The following PTPRJ variants were observed in gnomAD, a reference collection of about 807,000 sequenced individuals.
The protein encoded by PTPRJ is receptor-type tyrosine-protein phosphatase eta.
In PTPRJ, 129 loss-of-function variants were observed where a neutral mutation model predicts 141.3. The ratio of observed to expected loss-of-function variants is 0.91; its 90% CI spans 0.79 to 1.06. The LOEUF (loss-of-function observed/expected upper bound fraction) is 1.06. Ranked by LOEUF, PTPRJ falls within the 50% of genes least tolerant of loss-of-function variation. The probability of loss-of-function intolerance (pLI) is 0.00; values close to 1 mark genes in which losing one functional copy is unlikely to be tolerated. For synonymous variants in PTPRJ, 610 were observed against 640.5 expected (o/e 0.95, Z 0.72); for missense variants, 1,601 against 1,679.7 (o/e 0.95, Z 0.82).
chr11:48,093,793 T>TAA (rs746278822), intron 1 of PTPRJ, among the ~76,000 whole-genome samples: 3 of 128,156 alleles, frequency 2.3e-5, no homozygotes, highest in Non-Finnish European at 3.4e-5. Context: ...TTTGCTGCCC[T>TAA]AAAAAAAAAA....
intron 1 of PTPRJ, among the ~76,000 whole-genome samples, chr11:48,043,444 A>G (rs1854316413): frequency 6.6e-6 from 1 of 152,142 alleles, no homozygotes; most frequent in African/African-American, 2.4e-5. Context: ...AGACCTAGGT[A>G]GAGCAAGACC....
chr11:48,132,293 T>G, intron 8 of PTPRJ: 1 of 983,434 alleles, frequency 1.0e-6, no homozygotes, highest in African/African-American at 1.7e-5. Context: ...CCCAGCTACT[T>G]GAGAGGCTGC....
chr11:48,053,626 G>A (rs1243268796), intron 1 of PTPRJ, among the ~76,000 whole-genome samples: 1 of 145,868 alleles, frequency 6.9e-6, no homozygotes, highest in Non-Finnish European at 1.5e-5. Flanking sequence ...GCCCAGGCTG[G>A]AGTGCAGTGG....
intron 1 of PTPRJ, among the ~76,000 whole-genome samples, chr11:48,091,681 A>G (rs1355194788): frequency 6.6e-6 from 1 of 152,210 alleles, no homozygotes; most frequent in African/African-American, 2.4e-5. Flanking sequence ...AAAAATTCGA[A>G]AAGTCACCTG....
At chr11:48,100,888 GAAA>G (rs71457246) in intron 1 of PTPRJ, among the ~76,000 whole-genome samples, 1 of 90,346 alleles carries the variant, frequency 1.1e-5, no homozygotes, top group Non-Finnish European at 2.4e-5. Context: ...GTCTCAAAAA[GAAA>G]AAAAAAAAAA....
chr11:48,111,235 A>G lies in PTPRJ; in HGVS notation c.115+1159A>G, dbSNP rs1478121949. Reference sequence around the variant, plus strand: ...GTGGAGGCTGCAGTGAGCCGAGATCACTCCATTGCACTCCAGCCTGGGCAA... The same window carrying G: ...GTGGAGGCTGCAGTGAGCCGAGATCGCTCCATTGCACTCCAGCCTGGGCAA... On this transcript the variant is annotated intron_variant, in intron 2 of 24. Coordinates refer to ENST00000418331, the MANE Select transcript of PTPRJ (RefSeq NM_002843.4). Among the ~76,000 whole-genome samples the G allele has an allele frequency of 3.5e-5, 5 of 141,892 alleles. No homozygotes were observed. The East Asian group carries it at 1.0e-3, about 29-fold the overall frequency. 93.1% of individuals were successfully genotyped at this position (141,892 alleles called of 152,430 possible).
At position 48,139,646 on chromosome 11, in the gene PTPRJ, G is replaced by C; in HGVS notation, c.2313G>C (p.Glu771Asp). 2 of 1,614,238 alleles carry C rather than the reference G, an allele frequency of 1.2e-6. No homozygotes were observed. The highest frequency in any genetic ancestry group is 8.5e-7 in the Non-Finnish European group (1 of 1,180,046). ...NATHLESCSSENGTEYRTEVT... is the reference protein window; with the variant it reads ...NATHLESCSSDNGTEYRTEVT... Reference sequence around the variant, plus strand: ...CCCACCTGGAGAGCTGCTCCTCTGAGAATGGCACTGAGTATAGAACGGAAG... The same window carrying C: ...CCCACCTGGAGAGCTGCTCCTCTGACAATGGCACTGAGTATAGAACGGAAG... Residue 771 changes from glutamate to aspartate, a missense_variant, in exon 11 of 25, where the codon GAG (glutamate) becomes GAC (aspartate). Physicochemically the swap from Glu to Asp is conservative, Grantham distance 45. Coordinates refer to ENST00000418331, the MANE Select transcript of PTPRJ (RefSeq NM_002843.4).
At chr11:47,993,595 C>T (rs942609215) in intron 1 of PTPRJ, among the ~76,000 whole-genome samples, 4 of 151,894 alleles carry the variant, frequency 2.6e-5, no homozygotes, top group African/African-American at 9.7e-5. Flanking sequence ...ACCCAGCCTG[C>T]GTCTGTAGTT....
At chr11:48,095,206 G>A (rs1197890418) in intron 1 of PTPRJ, among the ~76,000 whole-genome samples, 2 of 152,190 alleles carry the variant, frequency 1.3e-5, no homozygotes, top group East Asian at 3.8e-4. Flanking sequence ...TCAGCAGCGT[G>A]CCCTCAGACA....
At chr11:48,092,824 C>T (rs1855906256) in intron 1 of PTPRJ, among the ~76,000 whole-genome samples, 1 of 152,182 alleles carries the variant, frequency 6.6e-6, no homozygotes, top group Non-Finnish European at 1.5e-5. Flanking sequence ...ATAATGTCCT[C>T]CAGGCTCTGA....
At position 48,092,309 on chromosome 11, in the gene PTPRJ, AAAAAAAAAGAAAAAGAAAAAAAG is replaced by A. The variant is rs1220542631; in HGVS notation, c.97-17745_97-17723del. Among the ~76,000 whole-genome samples the A allele has an allele frequency of 5.9e-3, 894 of 150,480 alleles. 8 individuals are homozygous for A. Among genetic ancestry groups the A allele is most frequent in the African/African-American group, 0.021 (857 of 40,902 alleles). On this transcript the variant is annotated intron_variant, in intron 1 of 24. Transcript: ENST00000418331. Reference sequence around the variant, plus strand: ...GATTTCATCTCAAAAAAAAAAAAAAAAAAAAAAAGAAAAAGAAAAAAAGAAATGCAGGTAGGTGCTTCTAGCTA... The same window carrying A: ...GATTTCATCTCAAAAAAAAAAAAAAAAAATGCAGGTAGGTGCTTCTAGCTA...
chr11:48,107,199 T>G (rs4752807), intron 1 of PTPRJ, among the ~76,000 whole-genome samples: 101,454 of 151,388 alleles, frequency 0.67, 35,592 homozygotes, highest in East Asian at 0.81. Context: ...TGGAGGAGGA[T>G]CCTTGTGACT....
At chr11:48,012,883 T>G (rs904806031) in intron 1 of PTPRJ, among the ~76,000 whole-genome samples, 12 of 152,072 alleles carry the variant, frequency 7.9e-5, no homozygotes, top group Admixed American at 2.0e-4. Flanking sequence ...GGCAGGTGGA[T>G]CACCTGAGGT....
In PTPRJ at chr11:48,135,413, G is replaced by C. The variant is rs182682375; in HGVS notation, c.1616-626G>C. Among the ~76,000 whole-genome samples, 493 of 151,298 alleles carry C rather than the reference G, an allele frequency of 3.3e-3. 4 individuals are homozygous for C. The highest frequency in any genetic ancestry group is 0.012 in the African/African-American group (474 of 41,168). On this transcript the variant is annotated intron_variant, in intron 8 of 24. Coordinates refer to ENST00000418331, the MANE Select transcript of PTPRJ (RefSeq NM_002843.4). The stretch of plus-strand genomic sequence containing the variant: ...GCTGGTCTCAAACTCCCGACTTCAG[G>C]TGATCCGCCTGCCTTGGCTGCCCAA...
chr11:48,114,369 C>T (rs1319774133), intron 3 of PTPRJ, among the ~76,000 whole-genome samples: 2 of 121,224 alleles, frequency 1.6e-5, no homozygotes, highest in Admixed American at 1.2e-4. Context: ...ACCCAGGAGG[C>T]AGAGGTTGCA....
intron 1 of PTPRJ, among the ~76,000 whole-genome samples, chr11:48,079,415 CGT>C (rs958660800): frequency 6.6e-5 from 10 of 150,478 alleles, no homozygotes; most frequent in South Asian, 4.2e-4. Context: ...TCATGACGCT[CGT>C]GTGTGTGTGT....
chr11:48,075,633 G>C (rs923608271), intron 1 of PTPRJ, among the ~76,000 whole-genome samples: 1 of 151,846 alleles, frequency 6.6e-6, no homozygotes, highest in Non-Finnish European at 1.5e-5. Context: ...GGTTCTCACT[G>C]TGTTGCTCAG....
At chr11:48,058,788 T>G (rs1204319823) in intron 1 of PTPRJ, among the ~76,000 whole-genome samples, 1 of 152,098 alleles carries the variant, frequency 6.6e-6, no homozygotes, top group Admixed American at 6.6e-5. Context: ...GCTCCTCTGC[T>G]CAAAGCCCCG....
In PTPRJ at chr11:47,994,515, G is replaced by A. The variant is rs78399217; in HGVS notation, c.96+13507G>A. ...ACTAAAATACAAAAAATTAGTGGTGGTGCACGCTTGTGGTCCCAGCTGTTT... is the reference window on the plus strand; with the variant it reads ...ACTAAAATACAAAAAATTAGTGGTGATGCACGCTTGTGGTCCCAGCTGTTT... On this transcript the variant is annotated intron_variant, in intron 1 of 24. Transcript: ENST00000418331. 2.8e-4 allele frequency among the ~76,000 whole-genome samples: 43 copies of A among 152,054 alleles called. No homozygotes were observed. In the East Asian group the frequency reaches 7.8e-3, roughly 27 times the overall value.
Sources: allele counts gnomAD v4.1 joint callset (sites outside exome capture counted in the v4.1 genomes callset), GRCh38; gene constraint gnomAD v4.1.1; transcripts MANE v1.5; gene names NCBI Gene and HGNC (gene_info 2026-07-23, HGNC 2026-07-21).